The following TSPAN15 variants were observed in gnomAD, a reference collection of about 807,000 sequenced individuals.
TSPAN15 encodes tetraspanin-15.
A neutral mutation model predicts 34.5 loss-of-function variants in TSPAN15; 20 were observed. That is an observed-to-expected ratio of 0.58 (90% CI 0.41 to 0.84). TSPAN15 has a LOEUF of 0.84. Ranked by LOEUF, TSPAN15 falls within the 40% of genes least tolerant of loss-of-function variation. TSPAN15 has a pLI of 0.00. For synonymous variants in TSPAN15, 155 were observed against 153.9 expected (o/e 1.01, Z -0.05); for missense variants, 313 against 386.1 (o/e 0.81, Z 1.59).
Position 69,507,449 on chromosome 10 carries a change from C to A in TSPAN15, c.*471C>A. On this transcript the variant is annotated 3_prime_UTR_variant, in exon 8 of 8. Coordinates refer to ENST00000373290, the MANE Select transcript of TSPAN15 (RefSeq NM_012339.5). Reference sequence around the variant, plus strand: ...GCAGCCACGCCCATGGCCAGGTTGGCCTCTTCTCAGCCTCCCAGGTGCCTT... The same window carrying A: ...GCAGCCACGCCCATGGCCAGGTTGGACTCTTCTCAGCCTCCCAGGTGCCTT... The A allele has an allele frequency of 1.5e-6, 2 of 1,295,608 alleles. No individual in the cohort carries two copies. The highest frequency in any genetic ancestry group is 1.3e-5 in the South Asian group (1 of 79,522). The allele number at this position is 1,295,608 out of a possible 1,614,324, so 80.3% of individuals were successfully genotyped here.
chr10:69,545,165 C>T, the TSPAN15 span, among the ~76,000 whole-genome samples: 1 of 152,220 alleles, frequency 6.6e-6, no homozygotes, highest in African/African-American at 2.4e-5. Context: ...TGGCACAGTG[C>T]TAGTCCTCAC....
chr10:69,545,157 G>T, the TSPAN15 span, among the ~76,000 whole-genome samples: 1 of 152,206 alleles, frequency 6.6e-6, no homozygotes, highest in Non-Finnish European at 1.5e-5. Flanking sequence ...CCCAAGGATG[G>T]CACAGTGCTA....
chr10:69,526,774 G>A, the TSPAN15 span, among the ~76,000 whole-genome samples: 1 of 110,802 alleles, frequency 9.0e-6, no homozygotes, highest in African/African-American at 3.4e-5. Flanking sequence ...GTGACAGAGT[G>A]AGACCCTGTC....
At position 69,458,108 on chromosome 10, in the gene TSPAN15, G is replaced by C. The variant is rs187528886; in HGVS notation, c.96+6418G>C. On this transcript the variant is annotated intron_variant, in intron 1 of 7. Transcript: ENST00000373290. ...TCCAGTTTCTTCCTCGGGCCCCCAT[G>C]ACCTTTCCAGGCGCCATGTATGTTT... Among the ~76,000 whole-genome samples, 8 of 152,336 alleles carry C rather than the reference G, an allele frequency of 5.3e-5. No homozygotes were observed. In the East Asian group the frequency reaches 1.5e-3, roughly 29 times the overall value.
chr10:69,525,207 C>T, the TSPAN15 span, among the ~76,000 whole-genome samples: 1 of 147,706 alleles, frequency 6.8e-6, no homozygotes, highest in Non-Finnish European at 1.5e-5. Flanking sequence ...CATGAATAAA[C>T]ACTATTAAAT....
At chr10:69,485,295 C>T in intron 3 of TSPAN15, 80 bp downstream of exon 3, 1 of 1,201,160 alleles carries the variant, frequency 8.3e-7, no homozygotes, top group Non-Finnish European at 1.2e-6. Flanking sequence ...GGGGGTATGG[C>T]AGTGAGCAGG....
intron 1 of TSPAN15, among the ~76,000 whole-genome samples, chr10:69,456,279 G>A (rs766217007): frequency 7.0e-4 from 106 of 151,818 alleles, no homozygotes; most frequent in South Asian, 4.2e-4. Context: ...GTAGAGACGG[G>A]GTTCTACCAT....
chr10:69,485,355 A>C (rs1383799194), intron 3 of TSPAN15, 140 bp downstream of exon 3: 2 of 774,120 alleles, frequency 2.6e-6, no homozygotes, highest in Non-Finnish European at 4.6e-6. Context: ...AATGACAGGC[A>C]CTGAACAAGT....
chr10:69,511,430 T>C (rs1842413721), downstream of TSPAN15, among the ~76,000 whole-genome samples: 1 of 152,216 alleles, frequency 6.6e-6, no homozygotes. Context: ...ATATCCCTTT[T>C]ATCATTTTTT....
chr10:69,523,537 T>G, the TSPAN15 span: 1 of 434,390 alleles, frequency 2.3e-6, no homozygotes, highest in Non-Finnish European at 4.4e-6. Flanking sequence ...AAAGAGCTCC[T>G]TCCCAGAGGC....
the TSPAN15 span, among the ~76,000 whole-genome samples, chr10:69,528,955 G>A: frequency 4.1e-5 from 6 of 148,028 alleles, no homozygotes; most frequent in Non-Finnish European, 6.0e-5. Flanking sequence ...CCGTGGGACC[G>A]GCAACCCAGC....
intron 3 of TSPAN15, among the ~76,000 whole-genome samples, chr10:69,488,545 G>A (rs1589644595): frequency 6.6e-6 from 1 of 152,136 alleles, no homozygotes; most frequent in East Asian, 1.9e-4. Context: ...TTCACCATAG[G>A]TTCTTTCTAT....
At chr10:69,516,788 G>A in the TSPAN15 span, among the ~76,000 whole-genome samples, 1 of 152,158 alleles carries the variant, frequency 6.6e-6, no homozygotes, top group African/African-American at 2.4e-5. Flanking sequence ...TGTATGGTCA[G>A]TCTCCCCCAC....
chr10:69,518,515 G>A, the TSPAN15 span, among the ~76,000 whole-genome samples: 3 of 152,156 alleles, frequency 2.0e-5, no homozygotes, highest in Admixed American at 6.5e-5. Flanking sequence ...TCTCCACCTC[G>A]TGGGTTCAAG....
At position 69,467,708 on chromosome 10, in the gene TSPAN15, G is replaced by GA. The variant is rs1385135897; in HGVS notation, c.97-15979dup. ...TGGAAAACAGAACTTGGTTGCTGTA[G>GA]AAAAGGTGAAAGAATGTTCTTGGAT... On this transcript the variant is annotated intron_variant, in intron 1 of 7. Transcript: ENST00000373290. Among the ~76,000 whole-genome samples, 17 of 151,720 alleles carry GA rather than the reference G, an allele frequency of 1.1e-4. No individual in the cohort carries two copies. The South Asian group carries it at 3.3e-3, about 30-fold the overall frequency.
At chr10:69,474,266 G>A (rs984172153) in intron 1 of TSPAN15, among the ~76,000 whole-genome samples, 2 of 152,000 alleles carry the variant, frequency 1.3e-5, no homozygotes, top group African/African-American at 2.4e-5. Context: ...AGACCACAGG[G>A]CACTCCCATA....
At chr10:69,478,703 G>T (rs548187934) in intron 1 of TSPAN15, among the ~76,000 whole-genome samples, 6 of 151,960 alleles carry the variant, frequency 3.9e-5, no homozygotes, top group Non-Finnish European at 7.4e-5. Flanking sequence ...AAATACACAC[G>T]GATACAAAAG....
downstream of TSPAN15, among the ~76,000 whole-genome samples, chr10:69,508,706 G>A (rs1418943837): frequency 6.6e-6 from 1 of 152,166 alleles, no homozygotes; most frequent in Admixed American, 6.5e-5. Flanking sequence ...TCACGACTAG[G>A]GTAATTCTTA....
At chr10:69,525,098 T>C in the TSPAN15 span, among the ~76,000 whole-genome samples, 1 of 146,828 alleles carries the variant, frequency 6.8e-6, no homozygotes, top group Non-Finnish European at 1.5e-5. Context: ...ATCTTTTTTT[T>C]AAAAGGGACA....
Sources: gnomAD v4.1 joint callset for allele counts (sites outside exome capture counted in the v4.1 genomes callset) on GRCh38, gnomAD v4.1.1 for gene constraint, MANE v1.5 for transcripts, NCBI Gene and HGNC (gene_info 2026-07-23, HGNC 2026-07-21) for gene names.